ASXL3: variants seen among roughly 807,000 people sequenced by gnomAD.
The protein encoded by ASXL3 is ASXL transcriptional regulator 3, also known as putative Polycomb group protein ASXL3.
In ASXL3, 34 loss-of-function variants were observed where a neutral mutation model predicts 170.6. The observed-to-expected ratio is 0.20, with a 90% CI of 0.15 to 0.27. The LOEUF is 0.27. Among genes scored for constraint, ASXL3 ranks in the 10% least tolerant of loss-of-function variants. The pLI is 1.00. For missense variants in ASXL3, 2,592 were observed against 2,695.3 expected (o/e 0.96, Z 0.85); for synonymous variants, 1,002 against 989.1 (o/e 1.01, Z -0.24).
intron 4 of ASXL3, among the ~76,000 whole-genome samples, chr18:33,657,980 A>G (rs1034921421): frequency 6.6e-6 from 1 of 152,170 alleles, no homozygotes; most frequent in Non-Finnish European, 1.5e-5. Context: ...ATTTCAAAGT[A>G]TAAGGTCCTG....
intron 2 of ASXL3, chr18:33,625,783 G>A (rs2065593752): frequency 6.6e-6 from 1 of 152,042 alleles, no homozygotes; most frequent in Admixed American, 6.6e-5. Flanking sequence ...TAACTGACAA[G>A]GATGGAATGG....
intron 8 of ASXL3, among the ~76,000 whole-genome samples, chr18:33,703,371 G>A (rs547179972): frequency 6.6e-6 from 1 of 152,220 alleles, no homozygotes; most frequent in Non-Finnish European, 1.5e-5. Context: ...AGCATTGGGT[G>A]GGGGTGCTCA....
chr18:33,689,450 A>G (rs966329420), intron 8 of ASXL3, among the ~76,000 whole-genome samples: 2 of 152,242 alleles, frequency 1.3e-5, no homozygotes, highest in Non-Finnish European at 2.9e-5. Context: ...TAGCAACAGC[A>G]TCCAGTACTA....
chr18:33,630,767 A>G (rs1444267111), intron 2 of ASXL3, among the ~76,000 whole-genome samples: 1 of 152,024 alleles, frequency 6.6e-6, no homozygotes, highest in Non-Finnish European at 1.5e-5. Flanking sequence ...ATAATGAACA[A>G]GGAAACTCTG....
At chr18:33,710,984 C>CT (rs1483948773) in intron 8 of ASXL3, among the ~76,000 whole-genome samples, 1 of 151,998 alleles carries the variant, frequency 6.6e-6, no homozygotes, top group Non-Finnish European at 1.5e-5. Flanking sequence ...TAATTGTACT[C>CT]TTTTCTCTAA....
At chr18:33,720,269 T>A (rs920884152) in intron 8 of ASXL3, among the ~76,000 whole-genome samples, 4 of 151,544 alleles carry the variant, frequency 2.6e-5, no homozygotes, top group African/African-American at 9.8e-5. Flanking sequence ...ACATAGTAGA[T>A]GCTGTGAAAT....
intron 8 of ASXL3, among the ~76,000 whole-genome samples, chr18:33,710,516 G>T (rs2067040547): frequency 6.6e-6 from 1 of 152,136 alleles, no homozygotes; most frequent in African/African-American, 2.4e-5. Context: ...TTCTGAACTT[G>T]TTCTTCTGAA....
chr18:33,740,466 G>A (rs1216731009), intron 11 of ASXL3, 23 bp downstream of exon 11: 2 of 1,500,098 alleles, frequency 1.3e-6, no homozygotes, highest in Non-Finnish European at 1.8e-6. Flanking sequence ...ATAAACAAAA[G>A]GCAATTCCGT....
At chr18:33,644,213 T>C (rs1208399008) in intron 2 of ASXL3, among the ~76,000 whole-genome samples, 3 of 152,110 alleles carry the variant, frequency 2.0e-5, no homozygotes, top group Middle Eastern at 3.4e-3. Flanking sequence ...ATCACTTGCA[T>C]GTTTACTACA....
chr18:33,714,572 C>T (rs776237576), intron 8 of ASXL3, among the ~76,000 whole-genome samples: 42 of 152,148 alleles, frequency 2.8e-4, no homozygotes, highest in Non-Finnish European at 5.3e-4. Flanking sequence ...CTAAAACAGG[C>T]CACGGGTATT....
intron 4 of ASXL3, among the ~76,000 whole-genome samples, chr18:33,646,619 C>G (rs145174229): frequency 1.3e-5 from 2 of 151,928 alleles, no homozygotes; most frequent in African/African-American, 4.8e-5. Context: ...ACATATTTCT[C>G]CTGCAAAGTG....
chr18:33,700,842 G>A (rs190751435), intron 8 of ASXL3, among the ~76,000 whole-genome samples: 2 of 152,130 alleles, frequency 1.3e-5, no homozygotes, highest in Non-Finnish European at 2.9e-5. Flanking sequence ...TTCAAAACTA[G>A]GGGAATGAAG....
Position 33,746,278 on chromosome 18 carries a change from G to C in ASXL3, c.6430G>C (p.Val2144Leu), listed in dbSNP as rs750203320. The C allele has an allele frequency of 2.5e-6, 4 of 1,613,986 alleles. No homozygotes were observed. In the South Asian group the frequency reaches 4.4e-5, roughly 18 times the overall value. Reference protein sequence around the residue: ...FTQLAAQKMQVQQQQQLCGNY... With the variant: ...FTQLAAQKMQLQQQQQLCGNY... ...CCAATTAGCTGCTCAGAAAATGCAG[G>C]TGCAGCAACAACAGCAGCTCTGTGG... The change falls in exon 12 of 12, where the codon GTG (valine) becomes CTG (leucine). Residue 2144 changes from valine to leucine, a missense_variant. By Grantham distance (32) the Val-to-Leu change is conservative. Around this residue, in one of 4 missense-constraint regions of ASXL3, gnomAD observed 2,246 missense variants for 2,219.6 expected, o/e 1.01. Transcript: ENST00000269197.
chr18:33,740,380 A>T lies in ASXL3; in HGVS notation c.2976A>T (p.Ser992=), dbSNP rs746177838. The change falls in exon 11 of 12, where the codon TCA becomes TCT. Residue 992 remains serine (S), a synonymous_variant. Coordinates refer to ENST00000269197, the MANE Select transcript of ASXL3 (RefSeq NM_030632.3). ...IEDDQSTRNI[S]SSSPPEKEQP... is the part of the protein sequence containing the mutation. ...ATGATCAGTCAACCCGGAACATATC[A>T]TCTAGCAGCCCACCTGAGAAAGAAC... 1 of 1,605,808 alleles carries T rather than the reference A, an allele frequency of 6.2e-7. No individual in the cohort carries two copies. Among genetic ancestry groups the T allele is most frequent in the Admixed American group, 1.7e-5 (1 of 58,646 alleles).
At chr18:33,608,474 T>C (rs1347396466) in intron 2 of ASXL3, among the ~76,000 whole-genome samples, 3 of 152,008 alleles carry the variant, frequency 2.0e-5, no homozygotes, top group Admixed American at 6.6e-5. Flanking sequence ...TCCTTTTGGT[T>C]GCAGGTAGTA....
At chr18:33,585,657 A>T (rs1386001349) in intron 1 of ASXL3, among the ~76,000 whole-genome samples, 1 of 152,234 alleles carries the variant, frequency 6.6e-6, no homozygotes, top group Non-Finnish European at 1.5e-5. Context: ...GGTTAGCGCC[A>T]AAGGGCTTGT....
intron 8 of ASXL3, among the ~76,000 whole-genome samples, chr18:33,700,687 A>G (rs1003492091): frequency 1.3e-5 from 2 of 152,256 alleles, no homozygotes; most frequent in Middle Eastern, 3.4e-3. Flanking sequence ...GGCTTTATTA[A>G]CAAACCTCTC....
chr18:33,674,021 A>T (rs980704272), intron 7 of ASXL3, among the ~76,000 whole-genome samples: 3 of 152,220 alleles, frequency 2.0e-5, no homozygotes, highest in African/African-American at 7.2e-5. Context: ...GTATTTTGAC[A>T]TAAGTTATGT....
intron 4 of ASXL3, among the ~76,000 whole-genome samples, chr18:33,657,848 A>C (rs2066108778): frequency 6.6e-6 from 1 of 152,150 alleles, no homozygotes; most frequent in Admixed American, 6.6e-5. Flanking sequence ...GGCAAGCAAA[A>C]TGTAGACAGA....
Sources: gnomAD v4.1 joint callset for allele counts (sites outside exome capture counted in the v4.1 genomes callset) on GRCh38, gnomAD v4.1.1 for gene constraint, gnomAD v4.1.1 regional missense constraint, MANE v1.5 for transcripts, NCBI Gene and HGNC (gene_info 2026-07-23, HGNC 2026-07-21) for gene names.